Variants in PTPRJ observed in about 807,000 individuals in gnomAD.
The protein encoded by PTPRJ is receptor-type tyrosine-protein phosphatase eta.
PTPRJ carries 129 observed loss-of-function variants against 141.3 expected under a neutral mutation model. The ratio of observed to expected loss-of-function variants is 0.91; its 90% CI spans 0.79 to 1.06. The LOEUF (loss-of-function observed/expected upper bound fraction) is 1.06. PTPRJ is among the 50% of genes least tolerant of loss of function. PTPRJ has a pLI of 0.00. For missense variants in PTPRJ, 1,601 were observed against 1,679.7 expected, an observed-to-expected ratio of 0.95 and a Z score of 0.82; for synonymous variants, 610 against 640.5, an observed-to-expected ratio of 0.95 and a Z score of 0.72.
chr11:48,097,631 G>A (rs1475280117), intron 1 of PTPRJ, among the ~76,000 whole-genome samples: 10 of 151,758 alleles, frequency 6.6e-5, no homozygotes, highest in East Asian at 3.9e-4. Context: ...TCCGCCTCCC[G>A]GGTTCAAGCA....
chr11:48,051,148 T>G (rs181303261), intron 1 of PTPRJ, among the ~76,000 whole-genome samples: 7 of 132,918 alleles, frequency 5.3e-5, no homozygotes, highest in Non-Finnish European at 9.1e-5. Flanking sequence ...CAGGCTGGAG[T>G]GCAATGATGC....
At chr11:48,126,161 AG>A (rs1376969827) in intron 6 of PTPRJ, among the ~76,000 whole-genome samples, 6 of 152,180 alleles carry the variant, frequency 3.9e-5, no homozygotes, top group Admixed American at 6.5e-5. Flanking sequence ...CCATGCACCC[AG>A]GGCTGGGTCC....
At position 48,125,056 on chromosome 11, in the gene PTPRJ, C is replaced by T. The variant is rs374058132; in HGVS notation, c.963C>T (p.Ser321=). 2.0e-5 allele frequency: 32 copies of T among 1,614,130 alleles called. No individual in the cohort carries two copies. The highest frequency in any genetic ancestry group is 1.6e-4 in the Middle Eastern group (1 of 6,062). The change falls in exon 6 of 25, where the codon TCC becomes TCT. Residue 321 remains serine (S), a synonymous_variant. Coordinates refer to ENST00000418331, the MANE Select transcript of PTPRJ (RefSeq NM_002843.4). ...TCGTGGGACCTGTGGACCCATCCTC[C>T]GGCCAGCAGTCCCGAGACACGGAAG... is the stretch of plus-strand genomic sequence containing the variant. ...ESLVGPVDPS[S]GQQSRDTEVL...
At position 48,136,997 on chromosome 11, in the gene PTPRJ, A is replaced by G; in HGVS notation, c.1874-6A>G. On this transcript the variant is annotated splice_polypyrimidine_tract_variant and splice_region_variant and intron_variant, in intron 9 of 24. Transcript: ENST00000418331. ...TTACATGAATTGCCTTTTTTTTAAA[A>G]TCAAGGGCCCAGCAATGTGTCCAAC... 6.3e-7 allele frequency: 1 copy of G among 1,582,698 alleles called. No individual in the cohort carries two copies. The highest frequency in any genetic ancestry group is 1.7e-5 in the Admixed American group (1 of 57,814).
rs1483589898 is a variant in PTPRJ, at chr11:48,121,025, T to C, written c.375T>C (p.Ile125=). Residue 125 remains isoleucine, a synonymous_variant, in exon 4 of 25, where the codon ATT becomes ATC. Transcript: ENST00000418331. ...SSTGPSPVFD[I]KAVSISPTNV... The stretch of plus-strand genomic sequence containing the variant: ...TAGGGCCCAGTCCTGTGTTTGACAT[T>C]AAAGCTGTTTCCATCAGTCCAACCA... The C allele has an allele frequency of 2.5e-6, 4 of 1,605,118 alleles. No homozygotes were observed. The highest frequency in any genetic ancestry group is 3.4e-6 in the Non-Finnish European group (4 of 1,175,434).
intron 1 of PTPRJ, among the ~76,000 whole-genome samples, chr11:48,006,284 G>A (rs187774765): frequency 0.044 from 6,621 of 152,172 alleles, 170 homozygotes; most frequent in Middle Eastern, 0.085. Context: ...GGGAGGAAGA[G>A]TGGGAGAGAG....
chr11:48,160,193 C>T, intron 22 of PTPRJ, 144 bp downstream of exon 22: 1 of 1,163,558 alleles, frequency 8.6e-7, no homozygotes, highest in Non-Finnish European at 1.2e-6. Flanking sequence ...ACAGAACAAT[C>T]CATATGCATG....
chr11:48,053,000 C>T (rs1854615048), intron 1 of PTPRJ, among the ~76,000 whole-genome samples: 2 of 147,660 alleles, frequency 1.4e-5, no homozygotes, highest in African/African-American at 5.0e-5. Flanking sequence ...GGCCACCACT[C>T]ATCGCCAGCC....
chr11:48,135,541 G>A (rs1857080667), intron 8 of PTPRJ, among the ~76,000 whole-genome samples: 1 of 143,146 alleles, frequency 7.0e-6, no homozygotes, highest in African/African-American at 2.6e-5. Flanking sequence ...GAGTGCAGTG[G>A]TGTGATATCG....
intron 8 of PTPRJ, chr11:48,132,709 A>ATG (rs942824100): frequency 2.2e-6 from 2 of 912,918 alleles, no homozygotes; most frequent in African/African-American, 3.6e-5. Context: ...ATATATATAT[A>ATG]TATAAAAGAA....
intron 1 of PTPRJ, among the ~76,000 whole-genome samples, chr11:47,990,809 G>T (rs577675822): frequency 1.4e-4 from 21 of 150,928 alleles, no homozygotes; most frequent in African/African-American, 5.1e-4. Context: ...CCTCAGCCTG[G>T]CTGGGACTAT....
chr11:48,091,440 T>A (rs1055418248), intron 1 of PTPRJ, among the ~76,000 whole-genome samples: 2 of 152,208 alleles, frequency 1.3e-5, no homozygotes, highest in Non-Finnish European at 2.9e-5. Flanking sequence ...GTGTGTATAT[T>A]TAAAAGGTCA....
chr11:48,035,921 G>T (rs539362003), intron 1 of PTPRJ, among the ~76,000 whole-genome samples: 1 of 152,292 alleles, frequency 6.6e-6, no homozygotes, highest in East Asian at 1.9e-4. Flanking sequence ...TTCTATATCT[G>T]TACTACTGGC....
chr11:48,140,294 T>C (rs1857200522), intron 11 of PTPRJ, among the ~76,000 whole-genome samples: 1 of 152,186 alleles, frequency 6.6e-6, no homozygotes, highest in Admixed American at 6.5e-5. Flanking sequence ...CCTCCTAAAG[T>C]GTTGGGATTA....
intron 3 of PTPRJ, among the ~76,000 whole-genome samples, chr11:48,119,307 G>A (rs536280292): frequency 6.6e-6 from 1 of 152,292 alleles, no homozygotes; most frequent in South Asian, 2.1e-4. Flanking sequence ...GCTTGGAGGG[G>A]CCTTCTGGCA....
At position 48,121,178 on chromosome 11, in the gene PTPRJ, A is replaced by G; in HGVS notation, c.528A>G (p.Leu176=). 1 of 1,614,170 alleles carries G rather than the reference A, an allele frequency of 6.2e-7. No individual in the cohort carries two copies. The highest frequency in any genetic ancestry group is 1.7e-5 in the Admixed American group (1 of 60,026). The change falls in exon 4 of 25, where the codon TTA becomes TTG. Residue 176 remains leucine, a synonymous_variant. Transcript: ENST00000418331. Reference sequence around the variant, plus strand: ...AACCATGGTGTAACATCACAGGCTTACGTCCAGCGACTTCATATGTATTCT... The same window carrying G: ...AACCATGGTGTAACATCACAGGCTTGCGTCCAGCGACTTCATATGTATTCT... ...VHQPWCNITG[L]RPATSYVFSI...
At chr11:48,136,330 C>A in intron 9 of PTPRJ, 34 bp downstream of exon 9, 1 of 1,600,548 alleles carries the variant, frequency 6.2e-7, no homozygotes, top group East Asian at 2.2e-5. Context: ...TAAGGAACAG[C>A]CTCTCTAACT....
chr11:48,134,497 C>T (rs948042136), intron 8 of PTPRJ, among the ~76,000 whole-genome samples: 5 of 151,972 alleles, frequency 3.3e-5, no homozygotes, highest in African/African-American at 4.8e-5. Context: ...AACAAAGGCT[C>T]CTCCCAGTGG....
intron 1 of PTPRJ, among the ~76,000 whole-genome samples, chr11:48,049,983 A>G (rs561422838): frequency 7.4e-4 from 112 of 152,314 alleles, no homozygotes; most frequent in African/African-American, 2.5e-3. Flanking sequence ...AGCACTTTTT[A>G]TTAAAAAGAA....
Sources: gnomAD v4.1 joint callset for allele counts (sites outside exome capture counted in the v4.1 genomes callset) on GRCh38, gnomAD v4.1.1 for gene constraint, MANE v1.5 for transcripts, NCBI Gene and HGNC (gene_info 2026-07-23, HGNC 2026-07-21) for gene names.